Variants in SORCS1 observed in about 807,000 individuals in gnomAD.
SORCS1 encodes sortilin related VPS10 domain containing receptor 1.
Under a neutral mutation model 146.1 loss-of-function variants are expected in SORCS1, and 60 were observed. That is an observed-to-expected ratio of 0.41 (90% CI 0.33 to 0.51). The LOEUF is 0.51. Among genes scored for constraint, SORCS1 ranks in the 20% least tolerant of loss-of-function variants. The probability of loss-of-function intolerance (pLI) is 0.21; values close to 1 mark genes in which losing one functional copy is unlikely to be tolerated. For synonymous variants in SORCS1, 637 were observed against 584.0 expected, an observed-to-expected ratio of 1.09 and a Z score of -1.31; for missense variants, 1,352 against 1,487.6, an observed-to-expected ratio of 0.91 and a Z score of 1.50.
At chr10:106,579,045 A>G (rs377650961) in intron 25 of SORCS1, 74 of 1,606,270 alleles carry the variant, frequency 4.6e-5, no homozygotes, top group Non-Finnish European at 6.0e-5. Flanking sequence ...AGAGTCAGCC[A>G]TTGCCTACTC....
rs1488365495 is a variant in SORCS1, at chr10:107,060,262, T to C, written c.559-103682A>G. Among the ~76,000 whole-genome samples the C allele has an allele frequency of 6.6e-6, 1 of 152,186 alleles. No homozygotes were observed. The highest frequency in any genetic ancestry group is 1.5e-5 in the Non-Finnish European group (1 of 68,032). On this transcript the variant is annotated intron_variant, in intron 1 of 25. Transcript: ENST00000263054. This position sits in a 1 kb window ranked among gnomAD's most constrained non-coding sequence, Gnocchi z 4.1. Reference sequence around the variant, plus strand: ...TCAGAATGTTTTATCCATCTGATTTTCAATCATTTATAACACATCCAATAA... The same window carrying C: ...TCAGAATGTTTTATCCATCTGATTTCCAATCATTTATAACACATCCAATAA...
chr10:107,007,233 G>T (rs1205367111), intron 1 of SORCS1, among the ~76,000 whole-genome samples: 2 of 152,342 alleles, frequency 1.3e-5, no homozygotes, highest in East Asian at 3.9e-4. Context: ...CAGAGAGGGG[G>T]TCTTTGTCTT....
Position 106,673,001 on chromosome 10 carries a change from T to C in SORCS1, c.1941-16A>G. Reference sequence around the variant, plus strand: ...TCCAAACACTCTACAGAGTTCATGGTGATAAAAATAATTACAATGATAACA... The same window carrying C: ...TCCAAACACTCTACAGAGTTCATGGCGATAAAAATAATTACAATGATAACA... On this transcript the variant is annotated splice_polypyrimidine_tract_variant and intron_variant, in intron 14 of 25. Coordinates refer to ENST00000263054, the MANE Select transcript of SORCS1 (RefSeq NM_052918.5). 6.3e-7 allele frequency: 1 copy of C among 1,598,480 alleles called. No homozygotes were observed.
At chr10:107,172,205 C>A in the SORCS1 span, among the ~76,000 whole-genome samples, 1 of 152,210 alleles carries the variant, frequency 6.6e-6, no homozygotes, top group Non-Finnish European at 1.5e-5. Flanking sequence ...ATTTTAGTAG[C>A]TTTATCTTCT....
At chr10:107,035,206 T>A (rs1350536348) in intron 1 of SORCS1, among the ~76,000 whole-genome samples, 3 of 149,788 alleles carry the variant, frequency 2.0e-5, no homozygotes, top group Non-Finnish European at 3.0e-5. Context: ...TGGAGACTTA[T>A]ATTCTGTGCC....
intron 7 of SORCS1, among the ~76,000 whole-genome samples, chr10:106,707,054 C>T (rs1193985043): frequency 6.6e-6 from 1 of 152,132 alleles, no homozygotes; most frequent in Non-Finnish European, 1.5e-5. Context: ...CATCTCTGGG[C>T]ACTGAATTCC....
At chr10:107,007,757 T>A (rs1319533753) in intron 1 of SORCS1, among the ~76,000 whole-genome samples, 2 of 152,258 alleles carry the variant, frequency 1.3e-5, no homozygotes, top group African/African-American at 4.8e-5. Context: ...TAGTAGAGAA[T>A]ACACTAACTA....
At chr10:106,836,192 G>A (rs1948774295) in intron 2 of SORCS1, among the ~76,000 whole-genome samples, 1 of 151,806 alleles carries the variant, frequency 6.6e-6, no homozygotes, top group Non-Finnish European at 1.5e-5. Flanking sequence ...CTTGGGAGGT[G>A]CGCCGGGCGC....
chr10:107,091,192 T>A (rs142721514), intron 1 of SORCS1, among the ~76,000 whole-genome samples: 13 of 152,362 alleles, frequency 8.5e-5, no homozygotes, highest in African/African-American at 2.9e-4. Flanking sequence ...ACTCTTCTAC[T>A]AATCCCTTCC....
chr10:107,001,334 A>G (rs565639990), intron 1 of SORCS1, among the ~76,000 whole-genome samples: 2 of 152,264 alleles, frequency 1.3e-5, no homozygotes, highest in East Asian at 3.9e-4. Flanking sequence ...ACTCTTGGCC[A>G]GGGAAATGTA....
chr10:106,962,394 C>CAAAAAAAA (rs60616146), intron 1 of SORCS1, among the ~76,000 whole-genome samples: 8 of 62,552 alleles, frequency 1.3e-4, no homozygotes, highest in East Asian at 5.6e-4. Flanking sequence ...AACTCCATCT[C>CAAAAAAAA]AAAAAAAAAA....
upstream of SORCS1, among the ~76,000 whole-genome samples, chr10:107,165,202 A>T (rs1336428148): frequency 6.7e-6 from 1 of 150,138 alleles, no homozygotes; most frequent in Admixed American, 6.8e-5. The surrounding 1 kb of genome is among the most constrained non-coding windows in gnomAD (Gnocchi z 4.0). Flanking sequence ...TCTTGACCTT[A>T]CCCGCAGCAG....
intron 1 of SORCS1, among the ~76,000 whole-genome samples, chr10:107,042,576 G>C (rs1959176543): frequency 6.6e-6 from 1 of 151,878 alleles, no homozygotes; most frequent in Non-Finnish European, 1.5e-5. Flanking sequence ...GCTGTGTACA[G>C]GGAACCCCTG....
intron 2 of SORCS1, among the ~76,000 whole-genome samples, chr10:106,900,135 C>T (rs1363566073): frequency 1.3e-5 from 2 of 152,092 alleles, no homozygotes; most frequent in Non-Finnish European, 2.9e-5. Flanking sequence ...CATGATTGCT[C>T]TTCCTATGAA....
At chr10:107,045,532 T>C (rs190710264) in intron 1 of SORCS1, among the ~76,000 whole-genome samples, 110 of 152,300 alleles carry the variant, frequency 7.2e-4, no homozygotes, top group African/African-American at 2.5e-3. Flanking sequence ...GGCCCAGCCA[T>C]GCATTCTGGT....
intron 1 of SORCS1, among the ~76,000 whole-genome samples, chr10:107,058,243 G>A (rs370481523): frequency 3.3e-5 from 5 of 151,850 alleles, no homozygotes; most frequent in African/African-American, 7.2e-5. Context: ...GGGTTTCACC[G>A]TGTTAGCCAG....
chr10:106,902,427 G>T (rs1012052664), intron 2 of SORCS1, among the ~76,000 whole-genome samples: 5 of 151,904 alleles, frequency 3.3e-5, no homozygotes, highest in Admixed American at 6.6e-5. Flanking sequence ...ACAAGAAAAA[G>T]AAATAAATGA....
chr10:106,756,082 T>C (rs1251863170), intron 5 of SORCS1, among the ~76,000 whole-genome samples: 4 of 152,022 alleles, frequency 2.6e-5, no homozygotes, highest in Admixed American at 2.6e-4. Context: ...TGAGCTGAGA[T>C]TGCACCACTG....
At chr10:106,984,432 C>G (rs1249493286) in intron 1 of SORCS1, among the ~76,000 whole-genome samples, 1 of 140,780 alleles carries the variant, frequency 7.1e-6, no homozygotes, top group African/African-American at 2.7e-5. Flanking sequence ...TTTGCTCTGT[C>G]ATCCAGGCTA....
Sources: gnomAD v4.1 joint callset for allele counts (sites outside exome capture counted in the v4.1 genomes callset) on GRCh38, gnomAD v4.1.1 for gene constraint, Gnocchi (gnomAD v3.1) non-coding constraint, MANE v1.5 for transcripts, NCBI Gene and HGNC (gene_info 2026-07-23, HGNC 2026-07-21) for gene names.